Variants in ROR2 observed in about 807,000 individuals in gnomAD.
ROR2 encodes tyrosine-protein kinase transmembrane receptor ROR2.
In ROR2, 33 loss-of-function variants were observed where a neutral mutation model predicts 74.9. The ratio of observed to expected loss-of-function variants is 0.44; its 90% CI spans 0.33 to 0.59. ROR2 has a LOEUF of 0.59. Among genes scored for constraint, ROR2 ranks in the 20% least tolerant of loss-of-function variants. The probability of loss-of-function intolerance (pLI) is 0.02; values close to 1 mark genes in which losing one functional copy is unlikely to be tolerated. For synonymous variants in ROR2, 586 were observed against 558.7 expected, an observed-to-expected ratio of 1.05 and a Z score of -0.69; for missense variants, 1,216 against 1,313.8, an observed-to-expected ratio of 0.93 and a Z score of 1.15.
At position 91,724,928 on chromosome 9, in the gene ROR2, C is replaced by A. The variant is rs755724416; in HGVS notation, c.1566G>T (p.Arg522=). Residue 522 remains arginine, a synonymous_variant, in exon 9 of 9, where the codon CGG becomes CGT. Coordinates refer to ENST00000375708, the MANE Select transcript of ROR2 (RefSeq NM_004560.4). ...KAEGPLREEF[R]HEAMLRARLQ... ...GCCGTGCTCGCAGCATAGCCTCATGCCGGAACTCCTCCCGCAGGGGCCCCT... is the reference window on the plus strand; with the variant it reads ...GCCGTGCTCGCAGCATAGCCTCATGACGGAACTCCTCCCGCAGGGGCCCCT... 17 of 1,612,584 alleles carry A rather than the reference C, an allele frequency of 1.1e-5. No homozygotes were observed. The East Asian group carries it at 3.6e-4, about 34-fold the overall frequency.
intron 1 of ROR2, among the ~76,000 whole-genome samples, chr9:91,816,033 C>T (rs1446340283): frequency 6.6e-6 from 1 of 152,180 alleles, no homozygotes; most frequent in Admixed American, 6.5e-5. Context: ...GCAGCCTCAC[C>T]TTCTACCCAG....
chr9:91,948,195 C>G (rs1832064099), intron 1 of ROR2, among the ~76,000 whole-genome samples: 1 of 152,202 alleles, frequency 6.6e-6, no homozygotes, highest in Non-Finnish European at 1.5e-5. Context: ...TAAAAACCCC[C>G]ACCACAGCAC....
chr9:91,948,811 C>T, intron 1 of ROR2: 1 of 985,506 alleles, frequency 1.0e-6, no homozygotes, highest in Non-Finnish European at 1.2e-6. Context: ...CCATAGGTCT[C>T]TGGCGCTCCT....
At chr9:91,805,501 G>T (rs867363559) in intron 1 of ROR2, among the ~76,000 whole-genome samples, 1 of 152,138 alleles carries the variant, frequency 6.6e-6, no homozygotes, top group African/African-American at 2.4e-5. Flanking sequence ...CTCAGCTAGA[G>T]CAGGAAGCCT....
At chr9:91,796,791 T>C (rs573453512) in intron 1 of ROR2, among the ~76,000 whole-genome samples, 1 of 129,196 alleles carries the variant, frequency 7.7e-6, no homozygotes, top group African/African-American at 3.3e-5. Flanking sequence ...CCCTGGGCTC[T>C]GTGGGTGGGG....
chr9:91,903,745 A>C (rs538288859), intron 1 of ROR2, among the ~76,000 whole-genome samples: 7 of 152,306 alleles, frequency 4.6e-5, no homozygotes, highest in Admixed American at 1.3e-4. Flanking sequence ...AACAAAAACA[A>C]ACGCAATTGG....
intron 1 of ROR2, among the ~76,000 whole-genome samples, chr9:91,903,322 T>C (rs1830720454): frequency 6.6e-6 from 1 of 152,024 alleles, no homozygotes; most frequent in African/African-American, 2.4e-5. Flanking sequence ...CCCAACCCGC[T>C]GGCTTCCCCT....
chr9:91,890,121 T>C (rs1830388779), intron 1 of ROR2, among the ~76,000 whole-genome samples: 1 of 152,196 alleles, frequency 6.6e-6, no homozygotes, highest in African/African-American at 2.4e-5. Flanking sequence ...GCTCTTTTCT[T>C]AGAAAATGGC....
chr9:91,892,047 A>G (rs1030268183), intron 1 of ROR2, among the ~76,000 whole-genome samples: 14 of 137,496 alleles, frequency 1.0e-4, no homozygotes, highest in African/African-American at 3.9e-4. Context: ...GAATCTGTCT[A>G]AGAAGAAAAA....
At chr9:91,783,602 T>A (rs1188520874) in intron 1 of ROR2, among the ~76,000 whole-genome samples, 1 of 152,090 alleles carries the variant, frequency 6.6e-6, no homozygotes, top group Non-Finnish European at 1.5e-5. Flanking sequence ...GGGTTTCAGC[T>A]GCAGCTGCAG....
chr9:91,772,495 G>C (rs17586150), intron 2 of ROR2, among the ~76,000 whole-genome samples: 14,882 of 152,200 alleles, frequency 0.098, 819 homozygotes, highest in Middle Eastern at 0.14. Flanking sequence ...CCATCCTCTT[G>C]CAAACCCAGG....
chr9:91,827,057 A>C (rs902746449), intron 1 of ROR2, among the ~76,000 whole-genome samples: 2 of 151,870 alleles, frequency 1.3e-5, no homozygotes, highest in African/African-American at 2.4e-5. Context: ...CTATATACGC[A>C]CTCTATAGTT....
At chr9:91,946,078 A>G (rs928353396) in intron 1 of ROR2, among the ~76,000 whole-genome samples, 3 of 152,236 alleles carry the variant, frequency 2.0e-5, no homozygotes, top group Non-Finnish European at 4.4e-5. Flanking sequence ...CTAAGAGCCC[A>G]AAGGGTCACT....
At chr9:91,877,811 T>A (rs1254220783) in intron 1 of ROR2, among the ~76,000 whole-genome samples, 1 of 152,216 alleles carries the variant, frequency 6.6e-6, no homozygotes, top group Non-Finnish European at 1.5e-5. Context: ...CACGGTGTAA[T>A]AATACCTGCC....
intron 1 of ROR2, among the ~76,000 whole-genome samples, chr9:91,839,723 TGTG>T (rs1828727913): frequency 1.3e-5 from 2 of 151,584 alleles, no homozygotes; most frequent in African/African-American, 4.8e-5. Flanking sequence ...GTGCTGTATG[TGTG>T]GTGTGTGTGG....
intron 1 of ROR2, among the ~76,000 whole-genome samples, chr9:91,833,332 C>T (rs1208535735): frequency 6.6e-6 from 1 of 152,192 alleles, no homozygotes; most frequent in East Asian, 1.9e-4. Flanking sequence ...TCCTGCCACC[C>T]CCAGCTGGGT....
chr9:91,753,234 T>C (rs1825644148), intron 4 of ROR2, among the ~76,000 whole-genome samples: 2 of 152,146 alleles, frequency 1.3e-5, no homozygotes, highest in East Asian at 1.9e-4. Flanking sequence ...AAATAAGACA[T>C]AAAGAATTAT....
At chr9:91,844,101 A>G (rs990136617) in intron 1 of ROR2, among the ~76,000 whole-genome samples, 1 of 152,230 alleles carries the variant, frequency 6.6e-6, no homozygotes, top group African/African-American at 2.4e-5. Flanking sequence ...CACACGTTTC[A>G]GCAAGCTGCC....
At chr9:91,753,568 G>C (rs1381839090) in intron 4 of ROR2, among the ~76,000 whole-genome samples, 1 of 152,142 alleles carries the variant, frequency 6.6e-6, no homozygotes, top group Non-Finnish European at 1.5e-5. Flanking sequence ...TTCCTCTTCA[G>C]AATCTCTCCT....
Sources: allele counts gnomAD v4.1 joint callset (sites outside exome capture counted in the v4.1 genomes callset), GRCh38; gene constraint gnomAD v4.1.1; transcripts MANE v1.5; gene names NCBI Gene and HGNC (gene_info 2026-07-23, HGNC 2026-07-21).